The following DNAH5 variants were observed in gnomAD, a reference collection of about 807,000 sequenced individuals.
The protein encoded by DNAH5 is axonemal beta dynein heavy chain 5.
In DNAH5, 372 loss-of-function variants were observed where a neutral mutation model predicts 518.2. The ratio of observed to expected loss-of-function variants is 0.72; its 90% CI spans 0.66 to 0.78. The LOEUF is 0.78. DNAH5 is among the 30% of genes least tolerant of loss of function. DNAH5 has a pLI of 0.00. For synonymous variants in DNAH5, 2,039 were observed against 2,025.9 expected (o/e 1.01, Z -0.17); for missense variants, 5,523 against 5,687.0 (o/e 0.97, Z 0.93).
intron 31 of DNAH5, among the ~76,000 whole-genome samples, chr5:13,849,017 G>A (rs753335725): frequency 6.6e-6 from 1 of 152,214 alleles, no homozygotes; most frequent in African/African-American, 2.4e-5. Flanking sequence ...TAGCTTCAAG[G>A]TAGTGGGGTG....
chr5:13,917,387 G>C, intron 7 of DNAH5, 131 bp from the exon 8 acceptor site: 1 of 718,174 alleles, frequency 1.4e-6, no homozygotes, highest in South Asian at 1.5e-5. Flanking sequence ...ACTGAATCCA[G>C]AGGGGCGAGA....
intron 35 of DNAH5, among the ~76,000 whole-genome samples, chr5:13,835,221 G>C (rs756741895): frequency 6.6e-6 from 1 of 151,584 alleles, no homozygotes; most frequent in Non-Finnish European, 1.5e-5. Flanking sequence ...GGAGGTTGCG[G>C]TGAGCGGAGA....
At position 13,839,415 on chromosome 5, in the gene DNAH5, T is replaced by G; in HGVS notation, c.5823A>C (p.Ile1941=). ...MMIHITDVAF[I]YQNEFLGCTD... Reference sequence around the variant, plus strand: ...TGCAGCCTAAAAATTCATTCTGGTATATGAACGCCACATCTGTGATGTGAA... The same window carrying G: ...TGCAGCCTAAAAATTCATTCTGGTAGATGAACGCCACATCTGTGATGTGAA... The change falls in exon 35 of 79, where the codon ATA becomes ATC. Residue 1941 remains isoleucine, a synonymous_variant. Coordinates refer to ENST00000265104, the MANE Select transcript of DNAH5 (RefSeq NM_001369.3). 6.2e-7 allele frequency: 1 copy of G among 1,614,076 alleles called. No homozygotes were observed. The highest frequency in any genetic ancestry group is 8.5e-7 in the Non-Finnish European group (1 of 1,179,938).
chr5:13,861,536 G>A (rs1373203317), intron 29 of DNAH5, among the ~76,000 whole-genome samples: 3 of 152,074 alleles, frequency 2.0e-5, no homozygotes, highest in African/African-American at 7.2e-5. Context: ...AGATTCTGGG[G>A]AACAAAAACA....
intron 1 of DNAH5, among the ~76,000 whole-genome samples, chr5:13,937,015 TTTAA>T (rs2152018482): frequency 6.6e-6 from 1 of 152,154 alleles, no homozygotes; most frequent in South Asian, 2.1e-4. Context: ...TATGTTTTGG[TTTAA>T]TTGTCACAAA....
chr5:13,916,447 C>G lies in DNAH5; in HGVS notation c.1098G>C (p.Met366Ile). 6.5e-7 allele frequency: 1 copy of G among 1,541,206 alleles called. No individual in the cohort carries two copies. ...TTATAAGTGTAGGAATAGCATCCAT[C>G]ATGGATAGCTGAAAGATATCACCAA... ...DPLYSSDPLS[M>I]MDAIPTLINA... The change falls in exon 9 of 79, where the codon ATG becomes ATC. Residue 366 changes from methionine to isoleucine, a missense_variant. Physicochemically the swap from Met to Ile is conservative, Grantham distance 10. Transcript: ENST00000265104.
chr5:13,923,762 G>T (rs375712100), intron 3 of DNAH5, among the ~76,000 whole-genome samples: 2 of 152,150 alleles, frequency 1.3e-5, no homozygotes, highest in African/African-American at 2.4e-5. Flanking sequence ...CTCACAACCC[G>T]GCTGGGTGCG....
In DNAH5 at chr5:13,721,050, G is replaced by A. The variant is rs1476639370; in HGVS notation, c.12229C>T (p.Gln4077Ter). The A allele has an allele frequency of 6.2e-7, 1 of 1,614,096 alleles. No homozygotes were observed. Reference protein sequence around the residue: ...KIETRYVSMGQGQEVHARKLL... With the variant: ...KIETRYVSMG ...TTCCGAGCATGGACTTCCTGGCCCT[G>A]GCCCATGGACACATAACGGGTTTCT... The change falls in exon 71 of 79, where the codon CAG becomes TAG. Residue 4077 changes from glutamine to a stop codon, truncating the protein, a stop_gained. Transcript: ENST00000265104. LOFTEE classifies it high-confidence loss of function.
Position 13,752,139 on chromosome 5 carries a change from AG to A in DNAH5, c.11022del (p.Phe3675LeufsTer3). 3 of 1,613,960 alleles carry A rather than the reference AG, an allele frequency of 1.9e-6. No individual in the cohort carries two copies. The highest frequency in any genetic ancestry group is 2.5e-6 in the Non-Finnish European group (3 of 1,179,898). On this transcript the variant is annotated frameshift_variant, in exon 64 of 79. Transcript: ENST00000265104. LOFTEE classifies it high-confidence loss of function. ...LERNFIKTGS[T>X]FKVKVGDKEV... is the part of the protein sequence containing the mutation. Reference sequence around the variant, plus strand: ...CATCCATAGGTTTAACCTACCTTAAAGGTAGACCCAGTTTTAATGAAGTTTC... The same window carrying A: ...CATCCATAGGTTTAACCTACCTTAAAGTAGACCCAGTTTTAATGAAGTTTC...
chr5:13,930,904 A>T (rs1481682108), intron 2 of DNAH5, among the ~76,000 whole-genome samples: 1 of 152,230 alleles, frequency 6.6e-6, no homozygotes, highest in Non-Finnish European at 1.5e-5. Context: ...CTCAAATGAC[A>T]ATTAGAAGTG....
intron 47 of DNAH5, among the ~76,000 whole-genome samples, chr5:13,802,044 C>T (rs1351590258): frequency 1.3e-5 from 2 of 152,012 alleles, no homozygotes; most frequent in African/African-American, 4.8e-5. Context: ...AATGTCACTT[C>T]TGTCAATCCA....
At chr5:13,971,461 G>A (rs566395438) in intron 1 of DNAH5, among the ~76,000 whole-genome samples, 2 of 152,194 alleles carry the variant, frequency 1.3e-5, no homozygotes, top group Non-Finnish European at 2.9e-5. Flanking sequence ...TTGTCCCACC[G>A]CGTGCTCCCT....
chr5:13,713,233 GTATATACCAACATATA>G (rs1743770297), intron 75 of DNAH5, among the ~76,000 whole-genome samples: 1 of 121,996 alleles, frequency 8.2e-6, no homozygotes, highest in Non-Finnish European at 1.7e-5. Context: ...ACATATATAT[GTATATACCAACATATA>G]TATATACCGA....
At chr5:13,790,540 A>C (rs1209235879) in intron 50 of DNAH5, among the ~76,000 whole-genome samples, 1 of 152,164 alleles carries the variant, frequency 6.6e-6, no homozygotes, top group African/African-American at 2.4e-5. Flanking sequence ...AGAGACCACA[A>C]GGAGGTAATT....
chr5:13,985,433 ATATAT>A, intron 1 of DNAH5, among the ~76,000 whole-genome samples: 1 of 5,710 alleles, frequency 1.8e-4, no homozygotes, highest in Admixed American at 1.4e-3. Flanking sequence ...ATAATAAAAT[ATATAT>A]ATATATATAT....
intron 76 of DNAH5, among the ~76,000 whole-genome samples, chr5:13,705,626 A>G (rs1250902619): frequency 2.0e-5 from 3 of 152,196 alleles, no homozygotes; most frequent in Non-Finnish European, 2.9e-5. Flanking sequence ...CCTCAAAACC[A>G]TACATTGAAG....
At chr5:13,890,827 A>G in intron 17 of DNAH5, 149 bp downstream of exon 17, 4 of 868,504 alleles carry the variant, frequency 4.6e-6, no homozygotes, top group Non-Finnish European at 7.2e-6. Context: ...CTGGCAAATT[A>G]TTGTCAGAAG....
intron 76 of DNAH5, among the ~76,000 whole-genome samples, chr5:13,702,587 A>G (rs1287252570): frequency 6.6e-6 from 1 of 152,186 alleles, no homozygotes; most frequent in Non-Finnish European, 1.5e-5. Context: ...CTGATCTGGA[A>G]GAATCTCCCT....
Position 13,823,349 on chromosome 5 carries a change from A to C in DNAH5, c.6601T>G (p.Phe2201Val). ...SKLIDEDEPLFLSLIEDLFPN... is the reference protein window; with the variant it reads ...SKLIDEDEPLVLSLIEDLFPN... ...AAGAGATCTTCAATCAAACTCAAAA[A>C]CAAGGGTTCATCCTCATCAATCTAA... Residue 2201 changes from phenylalanine (F) to valine (V), a missense_variant, in exon 40 of 79, where the codon TTT (phenylalanine) becomes GTT (valine). Transcript: ENST00000265104. 1 of 1,613,384 alleles carries C rather than the reference A, an allele frequency of 6.2e-7. No individual in the cohort carries two copies. Among genetic ancestry groups the C allele is most frequent in the Non-Finnish European group, 8.5e-7 (1 of 1,179,364 alleles).
Sources: allele counts gnomAD v4.1 joint callset (sites outside exome capture counted in the v4.1 genomes callset), GRCh38; gene constraint gnomAD v4.1.1; transcripts MANE v1.5; gene names NCBI Gene and HGNC (gene_info 2026-07-23, HGNC 2026-07-21).